Variants in CNGB1 observed in about 807,000 individuals in gnomAD.
The protein encoded by CNGB1 is cyclic nucleotide-gated channel beta-1.
A neutral mutation model predicts 151.7 loss-of-function variants in CNGB1; 126 were observed. That is an observed-to-expected ratio of 0.83 (90% confidence interval 0.72 to 0.96). CNGB1 has a LOEUF of 0.96. Ranked by LOEUF, CNGB1 falls within the 40% of genes least tolerant of loss-of-function variation. The pLI is 0.00. For missense variants in CNGB1, 1,698 were observed against 1,627.0 expected (o/e 1.04, Z -0.75); for synonymous variants, 623 against 635.1 (o/e 0.98, Z 0.29).
chr16:57,941,800 T>C (rs907424088), intron 14 of CNGB1, among the ~76,000 whole-genome samples: 2 of 152,168 alleles, frequency 1.3e-5, no homozygotes, highest in African/African-American at 2.4e-5. Flanking sequence ...AAGACAAGCA[T>C]ACCCACCCTC....
At chr16:57,959,362 C>T (rs1362435470) in intron 10 of CNGB1, among the ~76,000 whole-genome samples, 2 of 151,368 alleles carry the variant, frequency 1.3e-5, no homozygotes, top group African/African-American at 4.9e-5. Flanking sequence ...GCCTATAATC[C>T]TGGCACTTTG....
At chr16:57,901,819 C>CT (rs1960401261) in intron 27 of CNGB1, among the ~76,000 whole-genome samples, 194 bp from the exon 28 acceptor site, 1 of 152,226 alleles carries the variant, frequency 6.6e-6, no homozygotes. Flanking sequence ...AGGAGCACCC[C>CT]TGTGCATTTC....
rs745792393 is a variant in CNGB1, at chr16:57,962,617, G to A, written c.413-7C>T. The A allele has an allele frequency of 1.9e-6, 3 of 1,613,724 alleles. No homozygotes were observed. The highest frequency in any genetic ancestry group is 1.7e-6 in the Non-Finnish European group (2 of 1,179,940). On this transcript the variant is annotated splice_polypyrimidine_tract_variant and splice_region_variant and intron_variant, in intron 6 of 32. Transcript: ENST00000251102. ...TTGGGTTCATCTGTGCACCCTGCAG[G>A]GTCAGAAAATACAGAAAGGCAGTCA...
rs1307389724 is a variant in CNGB1, at chr16:57,959,784, T to A, written c.761+104A>T. On this transcript the variant is annotated intron_variant, in intron 10 of 32. Coordinates refer to ENST00000251102, the MANE Select transcript of CNGB1 (RefSeq NM_001297.5). ...TGCCTTGGGAAGGAGGCTGCACACATCCAGTTGAATTTTCTTCCAGGTTTC... is the reference window on the plus strand; with the variant it reads ...TGCCTTGGGAAGGAGGCTGCACACAACCAGTTGAATTTTCTTCCAGGTTTC... 1.0e-5 allele frequency: 14 copies of A among 1,370,098 alleles called. No homozygotes were observed. The Admixed American group carries it at 4.2e-4, about 41-fold the overall frequency. The allele number at this position is 1,370,098 out of a possible 1,614,324, so 84.9% of individuals were successfully genotyped here.
At chr16:57,884,518 T>C (rs2149350327) in intron 32 of CNGB1, 61 bp from the exon 33 acceptor site, 4 of 1,584,132 alleles carry the variant, frequency 2.5e-6, no homozygotes, top group East Asian at 2.2e-5. Flanking sequence ...TGGAAGGGTC[T>C]TGGACACCTC....
chr16:57,884,160 C>A lies in CNGB1; in HGVS notation c.*4G>T. 1 of 1,614,002 alleles carries A rather than the reference C, an allele frequency of 6.2e-7. No individual in the cohort carries two copies. Among genetic ancestry groups the A allele is most frequent in the South Asian group, 1.1e-5 (1 of 91,086 alleles). The stretch of plus-strand genomic sequence containing the variant: ...ACTGCGCGCGGGATCCGCCTCACCC[C>A]ACCTTACTCCGCCTTCTCCTCCCTT... On this transcript the variant is annotated 3_prime_UTR_variant, in exon 33 of 33. Transcript: ENST00000251102.
intron 7 of CNGB1, 95 bp from the exon 8 acceptor site, chr16:57,961,010 T>C: frequency 4.5e-6 from 5 of 1,114,406 alleles, no homozygotes; most frequent in Non-Finnish European, 6.8e-6. Flanking sequence ...AGCCATTCCG[T>C]GCCCTCCAAT....
chr16:57,906,195 A>G (rs1960546223), intron 25 of CNGB1, among the ~76,000 whole-genome samples: 1 of 152,172 alleles, frequency 6.6e-6, no homozygotes, highest in Admixed American at 6.5e-5. Context: ...CATAACTTGG[A>G]CAAATCTCTC....
At chr16:57,887,388 C>A (rs976362925) in intron 32 of CNGB1, among the ~76,000 whole-genome samples, 5 of 152,086 alleles carry the variant, frequency 3.3e-5, no homozygotes, top group Admixed American at 3.3e-4. Flanking sequence ...AGTGCCCTGG[C>A]CACACCGAAT....
At position 57,903,897 on chromosome 16, in the gene CNGB1, A is replaced by C; in HGVS notation, c.2719T>G (p.Tyr907Asp). ...TTCTGCACGGACTTGGGGATCTTGT[A>C]GAAATTCATGTACTTCACCGTGCTG... ...MDSTVKYMNF[Y>D]KIPKSVQNRV... Residue 907 changes from tyrosine to aspartate, a missense_variant, in exon 27 of 33, where the codon TAC (tyrosine) becomes GAC (aspartate). Coordinates refer to ENST00000251102, the MANE Select transcript of CNGB1 (RefSeq NM_001297.5). 6.2e-7 allele frequency: 1 copy of C among 1,614,208 alleles called. No individual in the cohort carries two copies. The highest frequency in any genetic ancestry group is 1.3e-5 in the African/African-American group (1 of 75,056).
At chr16:57,926,963 C>T (rs1232851847) in intron 17 of CNGB1, among the ~76,000 whole-genome samples, 1 of 152,062 alleles carries the variant, frequency 6.6e-6, no homozygotes, top group Non-Finnish European at 1.5e-5. Context: ...CAACAGGCAA[C>T]AAGAGCACAA....
chr16:57,893,663 T>C (rs1016853009), intron 31 of CNGB1, among the ~76,000 whole-genome samples: 1 of 152,058 alleles, frequency 6.6e-6, no homozygotes, highest in Non-Finnish European at 1.5e-5. Flanking sequence ...CCGGGTGTGG[T>C]GGCATGTGCC....
At chr16:57,921,157 C>T (rs1384811295) in intron 18 of CNGB1, among the ~76,000 whole-genome samples, 13 of 148,954 alleles carry the variant, frequency 8.7e-5, no homozygotes. Context: ...GACACAGAAA[C>T]TGCAGTCGAC....
At chr16:57,893,241 A>C (rs999088944) in intron 31 of CNGB1, among the ~76,000 whole-genome samples, 2 of 152,212 alleles carry the variant, frequency 1.3e-5, no homozygotes, top group South Asian at 2.1e-4. Flanking sequence ...GGTGAATTTG[A>C]TGGCTACAGA....
rs1962203043 is a variant in CNGB1 at position 57,960,072 on chromosome 16, A to C, written c.584-7T>G. 1.3e-6 allele frequency: 2 copies of C among 1,546,268 alleles called. No homozygotes were observed. The highest frequency in any genetic ancestry group is 2.4e-5 in the South Asian group (2 of 84,644). On this transcript the variant is annotated splice_polypyrimidine_tract_variant and splice_region_variant and intron_variant, in intron 9 of 32. Transcript: ENST00000251102. ...TGGGGGCGTCCTGGAGGCGCTAAGC[A>C]GCGGGGAAAGCAGGAGCTAGAGACG...
chr16:57,912,685 TTA>T (rs1312370842), intron 24 of CNGB1, among the ~76,000 whole-genome samples: 12 of 150,998 alleles, frequency 7.9e-5, no homozygotes, highest in African/African-American at 2.9e-4. Flanking sequence ...TTGTTTTGTG[TTA>T]TATCTCTGTT....
chr16:57,919,388 G>A, intron 19 of CNGB1, 134 bp from the exon 20 acceptor site: 1 of 1,528,540 alleles, frequency 6.5e-7, no homozygotes, highest in East Asian at 2.3e-5. Context: ...GCTACTGCAA[G>A]CTCTGTGTGC....
At chr16:57,943,423 GCA>G (rs1961721687) in intron 14 of CNGB1, among the ~76,000 whole-genome samples, 1 of 152,146 alleles carries the variant, frequency 6.6e-6, no homozygotes, top group Non-Finnish European at 1.5e-5. Context: ...TGTAATCCAA[GCA>G]CTTTGGGAAG....
rs747057461 is a variant in CNGB1, at chr16:57,962,974, C to G, written c.381G>C (p.Gln127His). The change falls in exon 5 of 33, where the codon CAG becomes CAC. Residue 127 changes from glutamine to histidine, a missense_variant and splice_region_variant. Physicochemically the swap from Gln to His is conservative, Grantham distance 24 (BLOSUM62 0). Transcript: ENST00000251102. ...PVHSITEDPA[Q>H]ILGHGSTGDT... Reference sequence around the variant, plus strand: ...CTTCAGCCTCCAGCCCCAGCAGTACCTGAGCCGGGTCCTCCGTGATGCTGT... The same window carrying G: ...CTTCAGCCTCCAGCCCCAGCAGTACGTGAGCCGGGTCCTCCGTGATGCTGT... 1.2e-6 allele frequency: 2 copies of G among 1,613,198 alleles called. No individual in the cohort carries two copies. The highest frequency in any genetic ancestry group is 1.1e-5 in the South Asian group (1 of 91,092).
Sources: gnomAD v4.1 joint callset for allele counts (sites outside exome capture counted in the v4.1 genomes callset) on GRCh38, gnomAD v4.1.1 for gene constraint, MANE v1.5 for transcripts, NCBI Gene and HGNC (gene_info 2026-07-23, HGNC 2026-07-21) for gene names.